The following KLHL29 variants were observed in gnomAD, a reference collection of about 807,000 sequenced individuals.
The protein encoded by KLHL29 is kelch like family member 29.
Under a neutral mutation model 80.4 loss-of-function variants are expected in KLHL29, and 21 were observed. The ratio of observed to expected loss-of-function variants is 0.26; its 90% CI spans 0.19 to 0.38. The LOEUF (loss-of-function observed/expected upper bound fraction) is 0.38, where lower values mean the gene tolerates loss of function less well. Among genes scored for constraint, KLHL29 ranks in the 10% least tolerant of loss-of-function variants. The probability of loss-of-function intolerance (pLI) is 1.00; values close to 1 mark genes in which losing one functional copy is unlikely to be tolerated. For synonymous variants in KLHL29, 511 were observed against 526.8 expected (o/e 0.97, Z 0.41); for missense variants, 867 against 1,223.9 (o/e 0.71, Z 4.35).
rs2149221056 is a variant in KLHL29 at position 23,700,493 on chromosome 2, A to G, written c.2106-2693A>G. 6.6e-6 allele frequency among the ~76,000 whole-genome samples: 1 copy of G among 152,114 alleles called. No individual in the cohort carries two copies. Among genetic ancestry groups the G allele is most frequent in the African/African-American group, 2.4e-5 (1 of 41,468 alleles). On this transcript the variant is annotated intron_variant, in intron 11 of 13. Transcript: ENST00000486442. This position sits in a 1 kb window ranked among gnomAD's most constrained non-coding sequence, Gnocchi z 4.6. Reference sequence around the variant, plus strand: ...GGTGGCCACAGCACATCTCTTTCCAACTCCATGTTCAGCAACATCCCTATG... The same window carrying G: ...GGTGGCCACAGCACATCTCTTTCCAGCTCCATGTTCAGCAACATCCCTATG...
intron 3 of KLHL29, among the ~76,000 whole-genome samples, chr2:23,602,625 T>C (rs1668600307): frequency 6.6e-6 from 1 of 151,790 alleles, no homozygotes; most frequent in Admixed American, 6.6e-5. Flanking sequence ...TTTTTTTTTT[T>C]TTTTTTTTTA....
At chr2:23,458,970 C>A (rs1664137734) in intron 1 of KLHL29, among the ~76,000 whole-genome samples, 1 of 152,100 alleles carries the variant, frequency 6.6e-6, no homozygotes, top group Non-Finnish European at 1.5e-5. Context: ...GAAGAGCAAG[C>A]AAGGATTCAG....
chr2:23,474,240 A>G (rs13398858), intron 1 of KLHL29, among the ~76,000 whole-genome samples: 38,699 of 152,112 alleles, frequency 0.25, 5,287 homozygotes, highest in East Asian at 0.38. Flanking sequence ...TGCCTGACAC[A>G]TAGAGGGAAT....
chr2:23,683,136 G>T (rs1321762980), intron 5 of KLHL29, among the ~76,000 whole-genome samples: 1 of 152,252 alleles, frequency 6.6e-6, no homozygotes, highest in African/African-American at 2.4e-5. Context: ...AAGCAGGGCT[G>T]GGGCCAGGAA....
chr2:23,676,428 C>T (rs1209806722), intron 5 of KLHL29, among the ~76,000 whole-genome samples: 2 of 152,120 alleles, frequency 1.3e-5, no homozygotes, highest in Admixed American at 6.5e-5. Context: ...GTGATCTGCC[C>T]GCCTCAGCCT....
intron 1 of KLHL29, among the ~76,000 whole-genome samples, chr2:23,398,873 GA>G (rs1362686259): frequency 2.6e-5 from 4 of 152,168 alleles, no homozygotes; most frequent in Non-Finnish European, 4.4e-5. Context: ...GAAATTTGAT[GA>G]TGAGAACTTC....
intron 1 of KLHL29, among the ~76,000 whole-genome samples, chr2:23,427,266 A>G (rs1663029548): frequency 6.6e-6 from 1 of 152,188 alleles, no homozygotes; most frequent in African/African-American, 2.4e-5. Context: ...ATTTACACCA[A>G]AATGGAGGTG....
chr2:23,401,736 A>G (rs1666603864), intron 1 of KLHL29, among the ~76,000 whole-genome samples: 1 of 152,184 alleles, frequency 6.6e-6, no homozygotes, highest in African/African-American at 2.4e-5. Flanking sequence ...CTGCTGGTCC[A>G]AGGAGCCTCT....
chr2:23,684,582 A>T lies in KLHL29; in HGVS notation c.1079+45A>T. The stretch of plus-strand genomic sequence containing the variant: ...GTGGTCGGGTCTGTTCCTTTGTAGG[A>T]CGCTTTTGTGTCGCTTTTCTCTTCC... On this transcript the variant is annotated intron_variant, in intron 6 of 13. Transcript: ENST00000486442. This position sits in a 1 kb window ranked among gnomAD's most constrained non-coding sequence, Gnocchi z 4.4. 6.7e-7 allele frequency: 1 copy of T among 1,489,914 alleles called. No individual in the cohort carries two copies. Among genetic ancestry groups the T allele is most frequent in the South Asian group, 1.3e-5 (1 of 74,690 alleles). The allele number at this position is 1,489,914 out of a possible 1,614,324, so 92.3% of individuals were successfully genotyped here. A position where few individuals can be genotyped will look rare whatever the true frequency, so the allele number is the denominator to read the frequency against.
At chr2:23,661,103 G>A (rs1295648664) in intron 5 of KLHL29, among the ~76,000 whole-genome samples, 1 of 152,200 alleles carries the variant, frequency 6.6e-6, no homozygotes, top group Non-Finnish European at 1.5e-5. Context: ...CACTTTGGGA[G>A]GCTGAGGTGG....
chr2:23,494,724 G>T (rs917723836), intron 2 of KLHL29, among the ~76,000 whole-genome samples: 1 of 151,880 alleles, frequency 6.6e-6, no homozygotes, highest in Non-Finnish European at 1.5e-5. Flanking sequence ...GATCATGAAA[G>T]ACCCCCTCGG....
At chr2:23,612,731 G>C (rs1668899409) in intron 3 of KLHL29, among the ~76,000 whole-genome samples, 1 of 152,084 alleles carries the variant, frequency 6.6e-6, no homozygotes, top group Non-Finnish European at 1.5e-5. Context: ...AACAGAGCGA[G>C]TCTCAATCTC....
At chr2:23,397,879 T>A (rs75481601) in intron 1 of KLHL29, among the ~76,000 whole-genome samples, 1 of 152,164 alleles carries the variant, frequency 6.6e-6, no homozygotes, top group African/African-American at 2.4e-5. Flanking sequence ...TCACTAATCA[T>A]TGGGGAAATG....
rs745336258 is a variant in KLHL29 at position 23,414,826 on chromosome 2, T to G, written c.-154+29046T>G. Among the ~76,000 whole-genome samples, 62 of 152,254 alleles carry G rather than the reference T, an allele frequency of 4.1e-4. 1 individual carries two copies. The highest frequency in any genetic ancestry group is 8.7e-4 in the Non-Finnish European group (59 of 68,042). Reference sequence around the variant, plus strand: ...GAGTTTTTCATAGAACTAAATGCATTGCATTTAAAGTGCTGTCCTTATTCT... The same window carrying G: ...GAGTTTTTCATAGAACTAAATGCATGGCATTTAAAGTGCTGTCCTTATTCT... On this transcript the variant is annotated intron_variant, in intron 1 of 13. Coordinates refer to ENST00000486442, the MANE Select transcript of KLHL29 (RefSeq NM_052920.2).
At chr2:23,512,870 C>T (rs976927573) in intron 2 of KLHL29, among the ~76,000 whole-genome samples, 11 of 152,254 alleles carry the variant, frequency 7.2e-5, no homozygotes, top group Admixed American at 5.2e-4. Context: ...ACTAACAGTC[C>T]ACTCAGGTGA....
chr2:23,425,937 A>G (rs1397080557), intron 1 of KLHL29, among the ~76,000 whole-genome samples: 1 of 152,210 alleles, frequency 6.6e-6, no homozygotes, highest in Non-Finnish European at 1.5e-5. Context: ...AGGGTGGCCA[A>G]GAGCATGCTG....
intron 1 of KLHL29, among the ~76,000 whole-genome samples, chr2:23,421,957 G>A (rs1044009716): frequency 6.7e-6 from 1 of 149,378 alleles, no homozygotes; most frequent in African/African-American, 2.5e-5. Flanking sequence ...TTGTGTGTCT[G>A]TGTGTGTCAT....
intron 13 of KLHL29, 45 bp from the exon 14 acceptor site, chr2:23,706,436 G>C (rs1378510125): frequency 5.8e-6 from 8 of 1,390,240 alleles, no homozygotes; most frequent in Admixed American, 6.0e-5. Context: ...CCAGGGCCAA[G>C]TTGGAAGTGA....
chr2:23,467,038 C>A lies in KLHL29; in HGVS notation c.-153-8522C>A, dbSNP rs575385850. 2.0e-5 allele frequency among the ~76,000 whole-genome samples: 3 copies of A among 152,272 alleles called. No individual in the cohort carries two copies. In the South Asian group the frequency reaches 6.2e-4, roughly 32 times the overall value. On this transcript the variant is annotated intron_variant, in intron 1 of 13. Coordinates refer to ENST00000486442, the MANE Select transcript of KLHL29 (RefSeq NM_052920.2). Reference sequence around the variant, plus strand: ...CTGTGGGACCTGAGCTTGTCACTCACCCTCTCCTGTCACTCAGCCTCTCCT... The same window carrying A: ...CTGTGGGACCTGAGCTTGTCACTCAACCTCTCCTGTCACTCAGCCTCTCCT...
Sources: gnomAD v4.1 joint callset for allele counts (sites outside exome capture counted in the v4.1 genomes callset) on GRCh38, gnomAD v4.1.1 for gene constraint, Gnocchi (gnomAD v3.1) non-coding constraint, MANE v1.5 for transcripts, NCBI Gene and HGNC (gene_info 2026-07-23, HGNC 2026-07-21) for gene names.